The following TDP1 variants were observed in gnomAD, a reference collection of about 807,000 sequenced individuals.
TDP1 encodes the protein tyr-DNA phosphodiesterase 1.
A neutral mutation model predicts 81.5 loss-of-function variants in TDP1; 64 were observed. The ratio of observed to expected loss-of-function variants is 0.79; its 90% CI spans 0.64 to 0.97. The LOEUF (loss-of-function observed/expected upper bound fraction) is 0.97. Among genes scored for constraint, TDP1 ranks in the 50% least tolerant of loss-of-function variants. The probability of loss-of-function intolerance (pLI) is 0.00; values close to 1 mark genes in which losing one functional copy is unlikely to be tolerated. For missense variants in TDP1, 723 were observed against 743.8 expected, an observed-to-expected ratio of 0.97 and a Z score of 0.33; for synonymous variants, 256 against 264.3, an observed-to-expected ratio of 0.97 and a Z score of 0.30.
intron 16 of TDP1, among the ~76,000 whole-genome samples, chr14:90,040,429 T>G (rs556794044): frequency 6.6e-6 from 1 of 152,324 alleles, no homozygotes; most frequent in Non-Finnish European, 1.5e-5. Context: ...TGGGAAAATG[T>G]TCTCTAACAG....
At chr14:90,033,507 G>C (rs35924363) in intron 16 of TDP1, 3 of 408,342 alleles carry the variant, frequency 7.3e-6, no homozygotes, top group African/African-American at 6.2e-5. Context: ...CATTTAATGC[G>C]TCAAATCTAC....
intron 15 of TDP1, among the ~76,000 whole-genome samples, chr14:90,029,296 C>A (rs183812622): frequency 6.7e-6 from 1 of 149,248 alleles, no homozygotes; most frequent in African/African-American, 2.5e-5. Context: ...CTTCTGGGTT[C>A]AAGTGATTCT....
intron 15 of TDP1, among the ~76,000 whole-genome samples, chr14:90,021,698 A>G (rs1348084032): frequency 6.6e-6 from 1 of 152,246 alleles, no homozygotes; most frequent in African/African-American, 2.4e-5. Context: ...AAAGAGCCCC[A>G]TTATAGCACA....
intron 14 of TDP1, among the ~76,000 whole-genome samples, chr14:89,996,952 T>C (rs1170376644): frequency 6.6e-6 from 1 of 152,274 alleles, no homozygotes; most frequent in Non-Finnish European, 1.5e-5. Context: ...AAATATGTAT[T>C]GCCCGCTGTG....
intron 2 of TDP1, among the ~76,000 whole-genome samples, chr14:89,960,636 T>C (rs1892217730): frequency 6.6e-6 from 1 of 152,198 alleles, no homozygotes; most frequent in African/African-American, 2.4e-5. Context: ...CTCTCTACAG[T>C]CAATAAGGCT....
intron 16 of TDP1, 51 bp downstream of exon 16, chr14:90,033,265 A>G (rs1251926097): frequency 1.9e-6 from 2 of 1,064,988 alleles, no homozygotes; most frequent in Non-Finnish European, 2.9e-6. Context: ...AAGAAAAACA[A>G]ACAGAGCCCA....
In TDP1 at chr14:89,956,591, A is replaced by G. The variant is rs925695759; in HGVS notation, c.-217A>G. The G allele has an allele frequency of 6.6e-6, 1 of 152,288 alleles. No homozygotes were observed. Among genetic ancestry groups the G allele is most frequent in the Non-Finnish European group, 1.5e-5 (1 of 68,150 alleles). The allele number at this position is 152,288 out of a possible 1,614,324, so 9.4% of individuals were successfully genotyped here. ...CATTCTCCGCAGAGTTGGAGCACAC[A>G]GCTGTATTAAAAAGGCAAATCGAAG... On this transcript the variant is annotated 5_prime_UTR_variant, in exon 2 of 17. Transcript: ENST00000335725.
At chr14:90,008,469 C>T (rs560704464) in intron 14 of TDP1, among the ~76,000 whole-genome samples, 8 of 152,114 alleles carry the variant, frequency 5.3e-5, no homozygotes, top group East Asian at 1.9e-4. Context: ...TGCCTGAGTT[C>T]GAATTCTTAC....
In TDP1 at chr14:89,988,937, CG is replaced by C. The variant is rs1036512777; in HGVS notation, c.1165del (p.Ala389GlnfsTer7). 2.2e-5 allele frequency: 35 copies of C among 1,614,060 alleles called. No individual in the cohort carries two copies. The highest frequency in any genetic ancestry group is 2.7e-5 in the Non-Finnish European group (32 of 1,180,028). On this transcript the variant is annotated frameshift_variant, in exon 11 of 17. Transcript: ENST00000335725. LOFTEE classifies it high-confidence loss of function. The stretch of plus-strand genomic sequence containing the variant: ...AAGACCATGCCTCATCCATGCCTAA[CG>C]CAGAGTCCTGGCCTGTCGTAGGTCA... ...LKDHASSMPN[A>X]ESWPVVGQFS...
At chr14:89,975,858 C>T (rs771800976) in intron 7 of TDP1, 43 bp downstream of exon 7, 2 of 1,512,992 alleles carry the variant, frequency 1.3e-6, no homozygotes, top group East Asian at 2.3e-5. Flanking sequence ...CAAGCATTGT[C>T]ATTTGTCCAT....
chr14:90,043,975 A>T lies in TDP1; in HGVS notation c.*832A>T, dbSNP rs1229131244. On this transcript the variant is annotated 3_prime_UTR_variant, in exon 17 of 17. Coordinates refer to ENST00000335725, the MANE Select transcript of TDP1 (RefSeq NM_018319.4). ...TGGGGTCGCTGGAGGTGATCCTAGG[A>T]TCTGTCTCTGAGACCAATGTGCTGT... 2.0e-5 allele frequency: 3 copies of T among 152,100 alleles called. No individual in the cohort carries two copies. Among genetic ancestry groups the T allele is most frequent in the African/African-American group, 7.2e-5 (3 of 41,392 alleles). The allele number at this position is 152,100 out of a possible 1,614,324, so 9.4% of individuals were successfully genotyped here.
chr14:89,994,485 C>G (rs1326391026), intron 14 of TDP1, among the ~76,000 whole-genome samples: 1 of 152,188 alleles, frequency 6.6e-6, no homozygotes, highest in Non-Finnish European at 1.5e-5. Flanking sequence ...ATGTACTTCA[C>G]AGAAATTACG....
At chr14:89,994,637 A>C (rs1244959562) in intron 14 of TDP1, among the ~76,000 whole-genome samples, 4 of 152,260 alleles carry the variant, frequency 2.6e-5, no homozygotes, top group African/African-American at 9.6e-5. Context: ...AGAGCCAGGA[A>C]GCACGAGCCC....
At chr14:89,955,534 A>G (rs1486019345), upstream of TDP1, 1 of 152,244 alleles carries the variant, frequency 6.6e-6, no homozygotes, top group Non-Finnish European at 1.5e-5. Context: ...TTTGCAGCAG[A>G]TTTCAAAGTC....
Position 89,963,050 on chromosome 14 carries a change from T to C in TDP1, c.-7-58T>C, listed in dbSNP as rs1054215095. The C allele has an allele frequency of 5.6e-6, 9 of 1,613,210 alleles. No homozygotes were observed. The African/African-American group carries it at 6.7e-5, about 12-fold the overall frequency. ...ACAGGGAAGTTGAGAGCAATAAAGT[T>C]ATTTTGCCAATGCCCTGATGAATGG... On this transcript the variant is annotated intron_variant, in intron 2 of 16. Coordinates refer to ENST00000335725, the MANE Select transcript of TDP1 (RefSeq NM_018319.4).
chr14:89,971,136 A>G (rs1259149398), intron 5 of TDP1, 39 bp from the exon 6 acceptor site: 2 of 1,567,642 alleles, frequency 1.3e-6, no homozygotes, highest in East Asian at 2.2e-5. Flanking sequence ...GAGCCTGGCC[A>G]TGAATGATGT....
At chr14:89,986,030 AAAAT>A (rs1206382259) in intron 10 of TDP1, among the ~76,000 whole-genome samples, 4 of 152,282 alleles carry the variant, frequency 2.6e-5, no homozygotes, top group Non-Finnish European at 5.9e-5. Flanking sequence ...CCGTCTCAAA[AAAAT>A]AAATAAATTC....
At chr14:90,015,241 A>T (rs1242236587) in intron 14 of TDP1, among the ~76,000 whole-genome samples, 1 of 152,186 alleles carries the variant, frequency 6.6e-6, no homozygotes, top group Non-Finnish European at 1.5e-5. Context: ...CTCTTTTCTC[A>T]GCATGTGCCT....
At chr14:89,971,421 T>C in intron 6 of TDP1, 150 bp downstream of exon 6, 1 of 703,040 alleles carries the variant, frequency 1.4e-6, no homozygotes, top group Non-Finnish European at 2.6e-6. Context: ...AAACACTTCC[T>C]GAGATAGAGC....
Sources: allele counts gnomAD v4.1 joint callset (sites outside exome capture counted in the v4.1 genomes callset), GRCh38; gene constraint gnomAD v4.1.1; transcripts MANE v1.5; gene names NCBI Gene and HGNC (gene_info 2026-07-23, HGNC 2026-07-21).